The following THOC1 variants were observed in gnomAD, a reference collection of about 807,000 sequenced individuals.
THOC1 encodes the protein THO complex subunit 1, also known as THO complex 1.
THOC1 carries 29 observed loss-of-function variants against 97.3 expected under a neutral mutation model. That is an observed-to-expected ratio of 0.30 (90% CI 0.22 to 0.41). THOC1 has a LOEUF of 0.41. THOC1 is among the 10% of genes least tolerant of loss of function. THOC1 has a pLI of 1.00. For synonymous variants in THOC1, 255 were observed against 257.0 expected (o/e 0.99, Z 0.07); for missense variants, 529 against 761.9 (o/e 0.69, Z 3.60).
intron 1 of THOC1, 47 bp from the exon 2 acceptor site, chr18:265,577 T>C (rs1241772548): frequency 6.9e-7 from 1 of 1,441,092 alleles, no homozygotes; most frequent in Non-Finnish European, 9.4e-7. Context: ...TTTTGCTTAT[T>C]ATTTGCTGAA....
At chr18:238,794 A>T (rs1015416102) in intron 11 of THOC1, among the ~76,000 whole-genome samples, 2 of 152,222 alleles carry the variant, frequency 1.3e-5, no homozygotes, top group Non-Finnish European at 2.9e-5. Flanking sequence ...CAATAAAATA[A>T]ATATCAAAAA....
intron 9 of THOC1, among the ~76,000 whole-genome samples, 177 bp downstream of exon 9, chr18:252,362 G>C (rs751143354): frequency 1.3e-5 from 2 of 152,158 alleles, no homozygotes; most frequent in Admixed American, 6.5e-5. Flanking sequence ...ATAGAAACCA[G>C]CAGATAAAGC....
intron 11 of THOC1, among the ~76,000 whole-genome samples, chr18:237,759 T>C (rs1911758475): frequency 6.6e-6 from 1 of 152,206 alleles, no homozygotes; most frequent in Non-Finnish European, 1.5e-5. Context: ...CCTGGAATAG[T>C]ACCTTCCATA....
chr18:236,665 A>C (rs1294206495), intron 11 of THOC1, among the ~76,000 whole-genome samples: 1 of 152,018 alleles, frequency 6.6e-6, no homozygotes, highest in Non-Finnish European at 1.5e-5. Flanking sequence ...GCCCGGCGAA[A>C]GAATAAGATT....
intron 20 of THOC1, 39 bp from the exon 21 acceptor site, chr18:214,960 A>G (rs1195646991): frequency 1.9e-6 from 3 of 1,584,058 alleles, no homozygotes; most frequent in Non-Finnish European, 2.6e-6. Context: ...CGCAATTCTA[A>G]GTATACAACA....
intron 4 of THOC1, chr18:260,666 A>G (rs1912577061): frequency 6.5e-6 from 1 of 154,072 alleles, no homozygotes; most frequent in Non-Finnish European, 1.4e-5. Context: ...GAGAGGTTAA[A>G]TAACTTCACC....
Position 214,799 on chromosome 18 carries a change from G to C in THOC1, c.1801C>G (p.Gln601Glu), listed in dbSNP as rs748233567. The change falls in exon 21 of 21, where the codon CAG becomes GAG. Residue 601 changes from glutamine to glutamate, a missense_variant. By Grantham distance (29) the Gln-to-Glu change is conservative. Around this residue, in one of 8 missense-constraint regions of THOC1, gnomAD observed 98 missense variants for 111.9 expected, o/e 0.88. Transcript: ENST00000261600. Reference protein sequence around the residue: ...YLEMKDSEIRQIECDSEDMKM... With the variant: ...YLEMKDSEIREIECDSEDMKM... ...ATGTCTTCACTGTCACACTCAATCT[G>C]CCTAATTTCTGAGTCTTTCATTTCC... The C allele has an allele frequency of 3.1e-6, 5 of 1,613,702 alleles. No individual in the cohort carries two copies. The highest frequency in any genetic ancestry group is 1.7e-5 in the Admixed American group (1 of 59,976).
At chr18:231,673 T>C (rs983053004) in intron 11 of THOC1, among the ~76,000 whole-genome samples, 1 of 152,210 alleles carries the variant, frequency 6.6e-6, no homozygotes, top group African/African-American at 2.4e-5. Context: ...CAGAATATCA[T>C]AGACATTGTT....
At chr18:265,423 A>G in intron 2 of THOC1, 34 bp downstream of exon 2, 1 of 1,586,458 alleles carries the variant, frequency 6.3e-7, no homozygotes, top group South Asian at 1.2e-5. Context: ...ATAAAGATTG[A>G]GGCAAGTATT....
chr18:218,808 C>T, intron 18 of THOC1, 78 bp downstream of exon 18: 2 of 1,232,028 alleles, frequency 1.6e-6, no homozygotes, highest in Non-Finnish European at 2.3e-6. Flanking sequence ...TCTTAAGAGG[C>T]TTTCTAGTAT....
chr18:230,878 G>A lies in THOC1; in HGVS notation c.919-3977C>T, dbSNP rs977082747. 3.9e-5 allele frequency among the ~76,000 whole-genome samples: 6 copies of A among 152,064 alleles called. No individual in the cohort carries two copies. In the South Asian group the frequency reaches 6.2e-4, roughly 16 times the overall value. ...AGCCTCCTGAGTAGCTAGGACCACC[G>A]GCATATGCCACAATGCCCAGCTAAT... On this transcript the variant is annotated intron_variant, in intron 11 of 20. Coordinates refer to ENST00000261600, the MANE Select transcript of THOC1 (RefSeq NM_005131.3).
In THOC1 at chr18:254,449, A is replaced by C. The variant is rs1284638504; in HGVS notation, c.521-94T>G. 9 of 741,802 alleles carry C rather than the reference A, an allele frequency of 1.2e-5. No individual in the cohort carries two copies. In the East Asian group the frequency reaches 2.2e-4, roughly 18 times the overall value. The allele number at this position is 741,802 out of a possible 1,614,324, so 46.0% of individuals were successfully genotyped here. ...CATAATCAAAACTACAAAATGCCAA[A>C]TCCATAAAGAGCAGTCAAAATTAAC... On this transcript the variant is annotated intron_variant, in intron 7 of 20. Transcript: ENST00000261600. The surrounding 1 kb of genome is among the most constrained non-coding windows in gnomAD (Gnocchi z 4.1).
At chr18:255,303 T>C (rs1342833367) in intron 7 of THOC1, among the ~76,000 whole-genome samples, 3 of 152,242 alleles carry the variant, frequency 2.0e-5, no homozygotes, top group African/African-American at 7.2e-5. Context: ...AAAGTTCTCT[T>C]GCGCTTAACA....
rs768981169 is a variant in THOC1 at position 267,993 on chromosome 18, A to G, written c.27T>C (p.Ser9=). MSPTPPLF[S]LPEARTRFTK... is the part of the protein sequence containing the mutation. ...TAAACCGCGTCCGCGCTTCGGGCAA[A>G]CTGAAGAGCGGCGGCGTCGGAGACA... The change falls in exon 1 of 21, where the codon AGT becomes AGC. Residue 9 remains serine, a synonymous_variant. Transcript: ENST00000261600. 10 of 1,611,460 alleles carry G rather than the reference A, an allele frequency of 6.2e-6. No homozygotes were observed. The East Asian group carries it at 2.2e-4, about 36-fold the overall frequency.
At chr18:241,774 A>G (rs1911909995) in intron 11 of THOC1, among the ~76,000 whole-genome samples, 3 of 152,236 alleles carry the variant, frequency 2.0e-5, no homozygotes, top group Admixed American at 6.5e-5. Context: ...TACATGCTAC[A>G]TAGTACAGAG....
chr18:229,591 G>A lies in THOC1; in HGVS notation c.919-2690C>T, dbSNP rs148546013. Among the ~76,000 whole-genome samples, 315 of 152,280 alleles carry A rather than the reference G, an allele frequency of 2.1e-3. 1 individual carries two copies. The highest frequency in any genetic ancestry group is 6.8e-3 in the Middle Eastern group (2 of 294). On this transcript the variant is annotated intron_variant, in intron 11 of 20. Transcript: ENST00000261600. ...CCAGCTACTCTGGAGGCTGAGGCAG[G>A]AGAATAGCTTAAACCTGGGAGGCGG... is the stretch of plus-strand genomic sequence containing the variant.
chr18:214,993 A>T (rs1910820041), intron 20 of THOC1, 72 bp from the exon 21 acceptor site: 1 of 1,397,352 alleles, frequency 7.2e-7, no homozygotes, highest in East Asian at 2.3e-5. Context: ...TATGGGGCCA[A>T]TAAGTTTTAT....
intron 11 of THOC1, among the ~76,000 whole-genome samples, chr18:234,543 GTTTT>G (rs879900233): frequency 5.4e-5 from 8 of 148,080 alleles, no homozygotes; most frequent in African/African-American, 1.5e-4. Context: ...TCTTTAATCT[GTTTT>G]TTTTTTGTTT....
intron 6 of THOC1, among the ~76,000 whole-genome samples, 198 bp downstream of exon 6, chr18:259,484 C>T (rs1052505316): frequency 1.3e-5 from 2 of 152,056 alleles, no homozygotes; most frequent in African/African-American, 2.4e-5. Flanking sequence ...AACTTTACTA[C>T]GTTTCTGACT....
Sources: allele counts gnomAD v4.1 joint callset (sites outside exome capture counted in the v4.1 genomes callset), GRCh38; gene constraint gnomAD v4.1.1; regional missense constraint gnomAD v4.1.1; non-coding constraint Gnocchi (gnomAD v3.1); transcripts MANE v1.5; gene names NCBI Gene and HGNC (gene_info 2026-07-23, HGNC 2026-07-21).